The following TRHDE variants were observed in gnomAD, a reference collection of about 807,000 sequenced individuals.
TRHDE encodes the protein thyrotropin releasing hormone degrading enzyme.
TRHDE carries 72 observed loss-of-function variants against 125.7 expected under a neutral mutation model. That is an observed-to-expected ratio of 0.57 (90% CI 0.47 to 0.70). The LOEUF (loss-of-function observed/expected upper bound fraction) is 0.70. Among genes scored for constraint, TRHDE ranks in the 30% least tolerant of loss-of-function variants. The pLI is 0.00. For missense variants in TRHDE, 1,110 were observed against 1,327.1 expected (o/e 0.84, Z 2.54); for synonymous variants, 509 against 509.1 (o/e 1.00, Z 0.00).
rs111934992 is a variant in TRHDE at position 72,177,107 on chromosome 12, C to T, written n.279+71355C>T. 2.8e-3 allele frequency among the ~76,000 whole-genome samples: 425 copies of T among 151,272 alleles called. 3 individuals carry two copies. The highest frequency in any genetic ancestry group is 9.6e-3 in the African/African-American group (397 of 41,228). On this transcript the variant is annotated intron_variant and non_coding_transcript_variant, in intron 2 of 4. Transcript: ENST00000548156. ...TCTAGGTCTTAAAAATGATATGTGTCGGAGCATCACCAAAGGTTTTTTTTT... is the reference window on the plus strand; with the variant it reads ...TCTAGGTCTTAAAAATGATATGTGTTGGAGCATCACCAAAGGTTTTTTTTT...
chr12:72,540,130 T>C (rs1869070814), intron 6 of TRHDE, among the ~76,000 whole-genome samples: 1 of 151,798 alleles, frequency 6.6e-6, no homozygotes, highest in African/African-American at 2.4e-5. Context: ...GGAGAGCCCA[T>C]CTGTCTATGA....
At chr12:72,227,730 A>G (rs1042205364) in intron 2 of TRHDE, among the ~76,000 whole-genome samples, 1 of 152,188 alleles carries the variant, frequency 6.6e-6, no homozygotes, top group Admixed American at 6.5e-5. Context: ...ATCAAAAGCA[A>G]GTTAGTTACT....
chr12:72,527,039 T>G (rs1220053228), intron 6 of TRHDE, among the ~76,000 whole-genome samples: 1 of 152,180 alleles, frequency 6.6e-6, no homozygotes, highest in Non-Finnish European at 1.5e-5. Flanking sequence ...CAAGGATTAG[T>G]CTTTGTCTCA....
At chr12:72,207,426 G>A (rs1288549310) in intron 2 of TRHDE, among the ~76,000 whole-genome samples, 2 of 151,964 alleles carry the variant, frequency 1.3e-5, no homozygotes, top group Admixed American at 1.3e-4. Flanking sequence ...ACAAGGTTGG[G>A]TACCATATGT....
rs1214007620 is a variant in TRHDE, at chr12:72,641,133, A to C, written c.2676-11189A>C. Among the ~76,000 whole-genome samples the C allele has an allele frequency of 3.3e-5, 5 of 152,316 alleles. No individual in the cohort carries two copies. The East Asian group carries it at 9.6e-4, about 29-fold the overall frequency. On this transcript the variant is annotated intron_variant, in intron 15 of 18. Coordinates refer to ENST00000261180, the MANE Select transcript of TRHDE (RefSeq NM_013381.3). ...TCTAGAGGCAGTTACTGGTCAAATT[A>C]GGTCTGCCAAAAACTTGCTTAGAAA...
At position 72,286,683 on chromosome 12, in the gene TRHDE, TCC is replaced by T. The variant is rs1157279471; in HGVS notation, c.918_919del (p.Leu307TrpfsTer18). On this transcript the variant is annotated frameshift_variant, in exon 2 of 19. Coordinates refer to ENST00000261180, the MANE Select transcript of TRHDE (RefSeq NM_013381.3). LOFTEE classifies it high-confidence loss of function. Reference sequence around the variant, plus strand: ...GAATGTCATTTTCTTTTTTCCAGATTCCTTGGTGTTACTCAGTTTTCGCCTAC... The same window carrying T: ...GAATGTCATTTTCTTTTTTCCAGATTTTGGTGTTACTCAGTTTTCGCCTAC... 1 of 1,611,446 alleles carries T rather than the reference TCC, an allele frequency of 6.2e-7. No homozygotes were observed.
intron 7 of TRHDE, among the ~76,000 whole-genome samples, chr12:72,558,185 G>A (rs1257486993): frequency 6.6e-6 from 1 of 152,044 alleles, no homozygotes; most frequent in Non-Finnish European, 1.5e-5. Context: ...TAATAAACAG[G>A]CACCTATGAC....
chr12:72,434,322 T>C (rs889084572), intron 3 of TRHDE, among the ~76,000 whole-genome samples: 1 of 150,396 alleles, frequency 6.6e-6, no homozygotes, highest in African/African-American at 2.5e-5. Flanking sequence ...GAGGCAGAGG[T>C]TGCAGTTAGC....
intron 6 of TRHDE, among the ~76,000 whole-genome samples, chr12:72,517,194 G>T (rs968416142): frequency 2.8e-4 from 43 of 151,124 alleles, no homozygotes; most frequent in Non-Finnish European, 5.2e-4. Flanking sequence ...TTTTTCTATT[G>T]ATTGGAATAG....
chr12:72,204,781 A>G (rs1877631097), intron 2 of TRHDE, among the ~76,000 whole-genome samples: 1 of 152,222 alleles, frequency 6.6e-6, no homozygotes, highest in Admixed American at 6.5e-5. Flanking sequence ...AAACTATATA[A>G]TGAGCTTCCT....
At chr12:72,285,522 CTTTTT>C (rs370394091) in intron 1 of TRHDE, among the ~76,000 whole-genome samples, 1 of 131,438 alleles carries the variant, frequency 7.6e-6, no homozygotes, top group African/African-American at 2.8e-5. Context: ...TTTTTTTCTT[CTTTTT>C]TTTTTTTTTT....
Position 72,618,896 on chromosome 12 carries a change from G to T in TRHDE, c.2327G>T (p.Gly776Val). 1 of 1,512,348 alleles carries T rather than the reference G, an allele frequency of 6.6e-7. No individual in the cohort carries two copies. The highest frequency in any genetic ancestry group is 8.8e-7 in the Non-Finnish European group (1 of 1,132,516). The allele number at this position is 1,512,348 out of a possible 1,614,324, so 93.7% of individuals were successfully genotyped here. ...IDDAFSLARA[G>V]YLPQNIPLEI... The stretch of plus-strand genomic sequence containing the variant: ...TTTTTTTTTTTTAACTGTAGGGCTG[G>T]CTATTTGCCTCAGAATATTCCTCTG... Residue 776 changes from glycine (G) to valine (V), a missense_variant, in exon 13 of 19, where the codon GGC becomes GTC. Transcript: ENST00000261180.
intron 3 of TRHDE, among the ~76,000 whole-genome samples, chr12:72,422,396 G>A (rs1034818331): frequency 1.1e-4 from 16 of 152,150 alleles, no homozygotes; most frequent in African/African-American, 3.9e-4. Flanking sequence ...AAGATACTGT[G>A]TTCTGGTTTA....
intron 15 of TRHDE, among the ~76,000 whole-genome samples, chr12:72,636,703 T>G (rs1027588119): frequency 2.6e-5 from 4 of 152,250 alleles, no homozygotes; most frequent in Admixed American, 1.3e-4. Flanking sequence ...ATTGAAAGTT[T>G]TTAGCATGAA....
chr12:72,657,973 T>C (rs1234478509), intron 18 of TRHDE, among the ~76,000 whole-genome samples: 1 of 152,138 alleles, frequency 6.6e-6, no homozygotes, highest in East Asian at 1.9e-4. Context: ...TGAGCACCAT[T>C]CCCTAGAAGC....
At chr12:72,607,986 C>G (rs1872515676) in intron 12 of TRHDE, among the ~76,000 whole-genome samples, 1 of 152,060 alleles carries the variant, frequency 6.6e-6, no homozygotes, top group Admixed American at 6.6e-5. Flanking sequence ...TTGCATCAGT[C>G]TAAAATTTCA....
chr12:72,375,377 A>G (rs1871829912), intron 2 of TRHDE, among the ~76,000 whole-genome samples: 1 of 152,140 alleles, frequency 6.6e-6, no homozygotes, highest in South Asian at 2.1e-4. Context: ...GAACATGTAT[A>G]TGTTTTATCT....
intron 1 of TRHDE, among the ~76,000 whole-genome samples, chr12:72,100,462 G>A (rs1875040072): frequency 6.6e-6 from 1 of 152,126 alleles, no homozygotes; most frequent in Admixed American, 6.6e-5. Flanking sequence ...TTAAGCTTTT[G>A]TTACCATTAA....
intron 13 of TRHDE, among the ~76,000 whole-genome samples, chr12:72,619,689 A>C (rs1013642020): frequency 6.6e-6 from 1 of 152,184 alleles, no homozygotes; most frequent in African/African-American, 2.4e-5. Flanking sequence ...TATTAGGATT[A>C]AGTACTGCTC....
Sources: gnomAD v4.1 joint callset for allele counts (sites outside exome capture counted in the v4.1 genomes callset) on GRCh38, gnomAD v4.1.1 for gene constraint, MANE v1.5 for transcripts, NCBI Gene and HGNC (gene_info 2026-07-23, HGNC 2026-07-21) for gene names.